The following XCL2 variants were observed in gnomAD, a reference collection of about 807,000 sequenced individuals.
XCL2 encodes cytokine SCM-1 beta.
A neutral mutation model predicts 7.2 loss-of-function variants in XCL2; 8 were observed. The ratio of observed to expected loss-of-function variants is 1.10; its 90% CI spans 0.65 to 1.99. XCL2 has a LOEUF of 1.99. Among genes scored for constraint, XCL2 ranks in the 30% most tolerant of loss-of-function variants. The pLI, the probability that XCL2 is intolerant of heterozygous loss-of-function variation, is 0.00. For synonymous variants in XCL2, 46 were observed against 54.2 expected (o/e 0.85, Z 0.67); for missense variants, 131 against 138.6 (o/e 0.94, Z 0.28).
Position 168,541,993 on chromosome 1 carries a change from A to C in XCL2, c.176T>G (p.Ile59Ser), listed in dbSNP as rs768975796. 1.9e-6 allele frequency: 3 copies of C among 1,610,792 alleles called. No homozygotes were observed. Among genetic ancestry groups the C allele is most frequent in the Non-Finnish European group, 2.5e-6 (3 of 1,178,430 alleles). The change falls in exon 2 of 3, where the codon ATT (isoleucine) becomes AGT (serine). Residue 59 changes from isoleucine to serine, a missense_variant and splice_region_variant. By Grantham distance (142) the Ile-to-Ser change is moderately radical. Transcript: ENST00000367819. ...TITEGSLRAV[I>S]FITKRGLKVC... ...CCAACTTCTGAGGAGGCAGACTCAC[A>C]TTACTGCTCTCAAGGAGCCTTCCGT...
chr1:168,541,821 G>A lies in XCL2; in HGVS notation c.176+172C>T, dbSNP rs183575511. On this transcript the variant is annotated intron_variant, in intron 2 of 2. Transcript: ENST00000367819. Reference sequence around the variant, plus strand: ...CCAATTTCTGCAATAATCGCTATTCGGTTGGGCTGCAGAAAGACATGGTTG... The same window carrying A: ...CCAATTTCTGCAATAATCGCTATTCAGTTGGGCTGCAGAAAGACATGGTTG... Among the ~76,000 whole-genome samples the A allele has an allele frequency of 7.2e-5, 11 of 152,146 alleles. No homozygotes were observed. In the East Asian group the frequency reaches 1.2e-3, roughly 16 times the overall value.
intron 1 of XCL2, among the ~76,000 whole-genome samples, chr1:168,542,436 A>G (rs1458189999): frequency 6.6e-6 from 1 of 152,130 alleles, no homozygotes; most frequent in African/African-American, 2.4e-5. Context: ...GCATTCATTC[A>G]TTTATACAAT....
chr1:168,541,425 A>G (rs1205736415), intron 2 of XCL2, among the ~76,000 whole-genome samples: 2 of 151,892 alleles, frequency 1.3e-5, no homozygotes, highest in Non-Finnish European at 2.9e-5. Flanking sequence ...TTATTATATA[A>G]CCTCTTCCTT....
At position 168,542,060 on chromosome 1, in the gene XCL2, T is replaced by C. The variant is rs1448942707; in HGVS notation, c.109A>G (p.Thr37Ala). ...SHRRTCVSLT[T>A]QRLPVSRIKT... ...ATTCTGCTAACTGGCAGTCGCTGGG[T>C]AGTGAGGCTCACACAGGTCCTCCTA... The change falls in exon 2 of 3, where the codon ACC becomes GCC. Residue 37 changes from threonine (T) to alanine (A), a missense_variant. Physicochemically the swap from Thr to Ala is moderately conservative, Grantham distance 58 (BLOSUM62 0). Transcript: ENST00000367819. 1 of 1,581,180 alleles carries C rather than the reference T, an allele frequency of 6.3e-7. No homozygotes were observed. The highest frequency in any genetic ancestry group is 8.6e-7 in the Non-Finnish European group (1 of 1,159,120).
At chr1:168,542,305 A>T (rs900002894) in intron 1 of XCL2, among the ~76,000 whole-genome samples, 198 bp from the exon 2 acceptor site, 2 of 151,676 alleles carry the variant, frequency 1.3e-5, no homozygotes, top group Non-Finnish European at 2.9e-5. Context: ...TAATTTAAAA[A>T]CTCAATCAAC....
intron 1 of XCL2, chr1:168,542,659 G>A (rs1401270110): frequency 1.3e-5 from 2 of 159,998 alleles, no homozygotes; most frequent in Admixed American, 6.2e-5. Context: ...AAGGAAGCAT[G>A]CTTTTGACTG....
intron 2 of XCL2, 36 bp from the exon 3 acceptor site, chr1:168,541,156 C>T (rs369682043): frequency 6.0e-5 from 97 of 1,608,400 alleles, no homozygotes; most frequent in Non-Finnish European, 7.2e-5. Context: ...AAGTTAGCCA[C>T]GTTCTCAAAG....
At chr1:168,541,241 T>G in intron 2 of XCL2, 121 bp from the exon 3 acceptor site, 1 of 1,320,444 alleles carries the variant, frequency 7.6e-7, no homozygotes, top group South Asian at 1.6e-5. Flanking sequence ...AAATAGTCTT[T>G]CAGAGCCATG....
intron 2 of XCL2, among the ~76,000 whole-genome samples, chr1:168,541,722 G>A (rs1654287919): frequency 1.3e-5 from 2 of 152,158 alleles, no homozygotes. Context: ...CCAGATCTCA[G>A]AGCTGTGCAC....
chr1:168,542,273 A>C (rs1011338894), intron 1 of XCL2, among the ~76,000 whole-genome samples, 166 bp from the exon 2 acceptor site: 2 of 152,090 alleles, frequency 1.3e-5, no homozygotes, highest in African/African-American at 4.8e-5. Flanking sequence ...TGCCCGTCAC[A>C]GATTCTTAGT....
chr1:168,542,668 T>C (rs397810973), intron 1 of XCL2: 1 of 160,080 alleles, frequency 6.2e-6, no homozygotes, highest in Admixed American at 6.2e-5. Context: ...TGCTTTTGAC[T>C]GAGTAAATAA....
intron 1 of XCL2, among the ~76,000 whole-genome samples, chr1:168,542,463 C>T (rs1160768820): frequency 6.6e-6 from 1 of 152,046 alleles, no homozygotes; most frequent in Non-Finnish European, 1.5e-5. Context: ...TGTTGTGTCC[C>T]ACATGTTTTA....
intron 1 of XCL2, chr1:168,542,950 T>A (rs1654320761): frequency 3.1e-6 from 1 of 318,336 alleles, no homozygotes. Context: ...CTATCCTCTA[T>A]AAGCAGCTGA....
intron 1 of XCL2, 120 bp from the exon 2 acceptor site, chr1:168,542,227 G>A (rs1302701320): frequency 2.5e-6 from 2 of 802,246 alleles, no homozygotes; most frequent in Admixed American, 3.5e-5. Flanking sequence ...TTTGCTTTTT[G>A]GGGGAAGAGA....
rs997972308 is a variant in XCL2, at chr1:168,541,688, G to A, written c.176+305C>T. On this transcript the variant is annotated intron_variant, in intron 2 of 2. Coordinates refer to ENST00000367819, the MANE Select transcript of XCL2 (RefSeq NM_003175.4). ...CCAGTGAGGCTTGCAGGGAAACCCT[G>A]ACATGAGCCAGCCATCTCTAAACCC... Among the ~76,000 whole-genome samples, 4 of 152,104 alleles carry A rather than the reference G, an allele frequency of 2.6e-5. 1 individual carries two copies. The highest frequency in any genetic ancestry group is 3.9e-4 in the East Asian group (2 of 5,184).
intron 1 of XCL2, 111 bp downstream of exon 1, chr1:168,543,793 C>T: frequency 1.3e-6 from 2 of 1,498,382 alleles, no homozygotes; most frequent in Non-Finnish European, 1.8e-6. Context: ...AAGTTTAAGG[C>T]TCCCCTGGAG....
intron 1 of XCL2, chr1:168,542,672 T>G (rs1335036697): frequency 6.3e-6 from 1 of 159,992 alleles, no homozygotes; most frequent in Non-Finnish European, 1.4e-5. Context: ...TTTGACTGAG[T>G]AAATAAAGGT....
chr1:168,541,479 T>C (rs1451752355), intron 2 of XCL2, among the ~76,000 whole-genome samples: 2 of 152,130 alleles, frequency 1.3e-5, no homozygotes, highest in Non-Finnish European at 2.9e-5. Context: ...AAAAAGGTGA[T>C]TTTTACATTT....
rs778118723 is a variant in XCL2, at chr1:168,542,128, A to G, written c.62-21T>C. ...TACACCTGATGAGGAAAAAAAAACA[A>G]CAGACAATTAAAAATAAAGCAATTA... is the stretch of plus-strand genomic sequence containing the variant. On this transcript the variant is annotated intron_variant, in intron 1 of 2. Transcript: ENST00000367819. 44 of 1,470,932 alleles carry G rather than the reference A, an allele frequency of 3.0e-5. 1 individual carries two copies. The highest frequency in any genetic ancestry group is 5.6e-5 in the African/African-American group (4 of 71,968). The allele number at this position is 1,470,932 out of a possible 1,614,324, so 91.1% of individuals were successfully genotyped here.
Sources: gnomAD v4.1 joint callset for allele counts (sites outside exome capture counted in the v4.1 genomes callset) on GRCh38, gnomAD v4.1.1 for gene constraint, MANE v1.5 for transcripts, NCBI Gene and HGNC (gene_info 2026-07-23, HGNC 2026-07-21) for gene names.